Variants in GRM7 observed in about 807,000 individuals in gnomAD.
GRM7 encodes the protein glutamate metabotropic receptor 7, also known as metabotropic glutamate receptor 7.
A neutral mutation model predicts 84.5 loss-of-function variants in GRM7; 35 were observed. The ratio of observed to expected loss-of-function variants is 0.41; its 90% confidence interval spans 0.32 to 0.55. GRM7 has a LOEUF of 0.55. Among genes scored for constraint, GRM7 ranks in the 20% least tolerant of loss-of-function variants. The probability of loss-of-function intolerance (pLI) is 0.19; values close to 1 mark genes in which losing one functional copy is unlikely to be tolerated. For missense variants in GRM7, 1,003 were observed against 1,194.6 expected (o/e 0.84, Z 2.36); for synonymous variants, 487 against 455.1 (o/e 1.07, Z -0.89).
intron 4 of GRM7, among the ~76,000 whole-genome samples, chr3:7,317,337 C>A (rs900213448): frequency 6.6e-6 from 1 of 151,888 alleles, no homozygotes; most frequent in African/African-American, 2.4e-5. Flanking sequence ...TGAGTATCTT[C>A]GAAGAATAGG....
chr3:7,183,363 A>C (rs1695407835), intron 2 of GRM7, among the ~76,000 whole-genome samples: 2 of 152,332 alleles, frequency 1.3e-5, no homozygotes, highest in African/African-American at 4.8e-5. Context: ...GTGGTGGCTC[A>C]CGCCTGTAAT....
chr3:7,058,053 C>T (rs1261485503), intron 1 of GRM7, among the ~76,000 whole-genome samples: 1 of 151,864 alleles, frequency 6.6e-6, no homozygotes, highest in Non-Finnish European at 1.5e-5. Context: ...CAATCTGTAA[C>T]TTTTATGTGT....
chr3:6,876,271 A>C (rs2124952285), intron 1 of GRM7, among the ~76,000 whole-genome samples: 1 of 152,178 alleles, frequency 6.6e-6, no homozygotes, highest in African/African-American at 2.4e-5. Context: ...CCATCTCAAA[A>C]AAAAAAAAAA....
At chr3:6,949,955 G>A (rs188533634) in intron 1 of GRM7, among the ~76,000 whole-genome samples, 5 of 152,136 alleles carry the variant, frequency 3.3e-5, no homozygotes, top group East Asian at 3.9e-4. Flanking sequence ...TTATCCATTC[G>A]TCTAATTTTT....
At chr3:7,364,117 A>G (rs1358906147) in intron 4 of GRM7, among the ~76,000 whole-genome samples, 1 of 151,892 alleles carries the variant, frequency 6.6e-6, no homozygotes, top group Non-Finnish European at 1.5e-5. Context: ...AAAATGTTCT[A>G]CCTTGATTAT....
At position 7,452,481 on chromosome 3, in the gene GRM7, T is replaced by C. The variant is rs2124891735; in HGVS notation, c.1175-126T>C. ...TAGGCAAATGTGGCTTGAATTACTG[T>C]ATTTATCGAAGCAGTGTTTTCTTTA... is the stretch of plus-strand genomic sequence containing the variant. On this transcript the variant is annotated intron_variant, in intron 5 of 9. Coordinates refer to ENST00000357716, the MANE Select transcript of GRM7 (RefSeq NM_000844.4). 4 of 694,846 alleles carry C rather than the reference T, an allele frequency of 5.8e-6. 1 individual carries two copies. In the Middle Eastern group the frequency reaches 1.6e-3, roughly 284 times the overall value. 43.0% of individuals were successfully genotyped at this position (694,846 alleles called of 1,614,324 possible). A position where few individuals can be genotyped will look rare whatever the true frequency, so the allele number is the denominator to read the frequency against.
intron 4 of GRM7, among the ~76,000 whole-genome samples, chr3:7,312,403 C>T (rs1302912971): frequency 6.6e-6 from 1 of 151,918 alleles, no homozygotes; most frequent in Non-Finnish European, 1.5e-5. Context: ...TCAGTAGACT[C>T]ATATGAGAGA....
intron 7 of GRM7, among the ~76,000 whole-genome samples, chr3:7,529,945 T>TTA (rs1230489344): frequency 6.6e-6 from 1 of 151,794 alleles, no homozygotes; most frequent in African/African-American, 2.4e-5. Context: ...AACATTTTAT[T>TTA]TATTTCTTTT....
chr3:7,430,693 G>A (rs944208446), intron 5 of GRM7, among the ~76,000 whole-genome samples: 1 of 152,160 alleles, frequency 6.6e-6, no homozygotes, highest in African/African-American at 2.4e-5. Context: ...CCAGTTGGGG[G>A]GACAGTCCTC....
At chr3:7,244,268 C>T (rs1338281762) in intron 2 of GRM7, among the ~76,000 whole-genome samples, 3 of 151,990 alleles carry the variant, frequency 2.0e-5, no homozygotes, top group Admixed American at 6.6e-5. Flanking sequence ...CAGCTATGTA[C>T]AGCTCTGTCA....
chr3:7,004,744 C>T (rs1695125083), intron 1 of GRM7, among the ~76,000 whole-genome samples: 1 of 151,978 alleles, frequency 6.6e-6, no homozygotes, highest in Admixed American at 6.6e-5. Flanking sequence ...ATTAAAAATC[C>T]AATCCATGTT....
chr3:7,298,339 A>G (rs1463573909), intron 2 of GRM7, among the ~76,000 whole-genome samples: 1 of 152,164 alleles, frequency 6.6e-6, no homozygotes, highest in Non-Finnish European at 1.5e-5. Context: ...TTGTAGTGTT[A>G]TTAAGGGGTA....
chr3:7,314,473 A>G (rs1700512505), intron 4 of GRM7, among the ~76,000 whole-genome samples: 1 of 152,172 alleles, frequency 6.6e-6, no homozygotes, highest in Non-Finnish European at 1.5e-5. Context: ...GACACTGACT[A>G]TGGCCAATTG....
chr3:7,306,869 C>T (rs142905228), intron 4 of GRM7, among the ~76,000 whole-genome samples: 3 of 152,210 alleles, frequency 2.0e-5, no homozygotes, highest in East Asian at 1.9e-4. Flanking sequence ...CATAATATCA[C>T]GATTAGCAAA....
chr3:6,989,633 A>G (rs1282191637), intron 1 of GRM7, among the ~76,000 whole-genome samples: 3 of 152,182 alleles, frequency 2.0e-5, no homozygotes, highest in African/African-American at 7.2e-5. Context: ...AGAGTGTTGT[A>G]AAATAAACTG....
At chr3:7,048,218 C>G (rs555676154) in intron 1 of GRM7, among the ~76,000 whole-genome samples, 155 of 152,080 alleles carry the variant, frequency 1.0e-3, no homozygotes, top group African/African-American at 3.6e-3. Context: ...TTCTCCTTAT[C>G]CAAGCATAAC....
intron 8 of GRM7, among the ~76,000 whole-genome samples, chr3:7,584,781 G>A (rs1249244283): frequency 6.6e-6 from 1 of 152,174 alleles, no homozygotes; most frequent in Non-Finnish European, 1.5e-5. Context: ...TATGCGAGTA[G>A]AGTAAGCTTT....
intron 4 of GRM7, among the ~76,000 whole-genome samples, chr3:7,321,863 A>G (rs1334846229): frequency 6.6e-6 from 1 of 152,042 alleles, no homozygotes; most frequent in African/African-American, 2.4e-5. Context: ...TCTCAAATTG[A>G]TTATTTCAAC....
intron 8 of GRM7, among the ~76,000 whole-genome samples, chr3:7,630,649 T>A (rs1697824151): frequency 1.3e-5 from 2 of 152,182 alleles, no homozygotes; most frequent in Admixed American, 6.5e-5. Context: ...CTGTTTCCCA[T>A]GAGAGCATTT....
Sources: gnomAD v4.1 joint callset for allele counts (sites outside exome capture counted in the v4.1 genomes callset) on GRCh38, gnomAD v4.1.1 for gene constraint, MANE v1.5 for transcripts, NCBI Gene and HGNC (gene_info 2026-07-23, HGNC 2026-07-21) for gene names.